The following RAPGEF2 variants were observed in gnomAD, a reference collection of about 807,000 sequenced individuals.
RAPGEF2 encodes the protein PDZ domain containing guanine nucleotide exchange factor (GEF) 1.
A neutral mutation model predicts 186.7 loss-of-function variants in RAPGEF2; 54 were observed. That is an observed-to-expected ratio of 0.29 (90% CI 0.23 to 0.36). RAPGEF2 has a LOEUF of 0.36. Ranked by LOEUF, RAPGEF2 falls within the 10% of genes least tolerant of loss-of-function variation. RAPGEF2 has a pLI of 1.00. For missense variants in RAPGEF2, 1,532 were observed against 2,045.0 expected, an observed-to-expected ratio of 0.75 and a Z score of 4.84; for synonymous variants, 712 against 705.9, an observed-to-expected ratio of 1.01 and a Z score of -0.14.
At chr4:159,129,007 A>C (rs1740706714) in intron 1 of RAPGEF2, 1 of 149,912 alleles carries the variant, frequency 6.7e-6, no homozygotes, top group African/African-American at 2.4e-5. Flanking sequence ...TTGTAGAAGA[A>C]AAGATTTGTA....
chr4:159,337,282 T>C (rs975983952), intron 17 of RAPGEF2, among the ~76,000 whole-genome samples: 7 of 152,244 alleles, frequency 4.6e-5, no homozygotes, highest in Admixed American at 2.6e-4. Context: ...AGAAATAATG[T>C]CTGTGTCAGT....
At chr4:159,281,546 C>T (rs1759703473) in intron 7 of RAPGEF2, among the ~76,000 whole-genome samples, 1 of 151,322 alleles carries the variant, frequency 6.6e-6, no homozygotes, top group Non-Finnish European at 1.5e-5. Context: ...TGGTGGGTGC[C>T]TGTAACCCCA....
chr4:159,293,760 A>T (rs1248501086), intron 7 of RAPGEF2, among the ~76,000 whole-genome samples: 2 of 152,166 alleles, frequency 1.3e-5, no homozygotes, highest in Non-Finnish European at 2.9e-5. Context: ...TTCCTTCTAG[A>T]TAGTGGTTCA....
chr4:159,159,731 A>T (rs1744505593), intron 1 of RAPGEF2, among the ~76,000 whole-genome samples: 1 of 152,212 alleles, frequency 6.6e-6, no homozygotes. Flanking sequence ...CAATTCTACA[A>T]CTTGACCTCT....
At chr4:159,313,370 T>A (rs1764174561) in intron 8 of RAPGEF2, among the ~76,000 whole-genome samples, 1 of 152,172 alleles carries the variant, frequency 6.6e-6, no homozygotes, top group African/African-American at 2.4e-5. Flanking sequence ...AAATTATTTC[T>A]CTTCACCTAA....
chr4:159,119,455 G>A (rs575760636), intron 1 of RAPGEF2, among the ~76,000 whole-genome samples: 123 of 152,248 alleles, frequency 8.1e-4, no homozygotes, highest in Middle Eastern at 3.4e-3. Flanking sequence ...TTTAAGCCTC[G>A]ATAGTACAGA....
intron 1 of RAPGEF2, among the ~76,000 whole-genome samples, chr4:159,132,226 C>G (rs1324782382): frequency 1.3e-5 from 2 of 152,290 alleles, no homozygotes; most frequent in Admixed American, 6.5e-5. Flanking sequence ...GGTTATCTAG[C>G]TCTAACACCA....
At chr4:159,287,987 A>G (rs535290486) in intron 7 of RAPGEF2, among the ~76,000 whole-genome samples, 5 of 152,264 alleles carry the variant, frequency 3.3e-5, no homozygotes, top group Admixed American at 6.5e-5. Flanking sequence ...TCTGTTTTCC[A>G]TTTGTTCTCA....
chr4:159,295,766 C>T (rs565806749), intron 7 of RAPGEF2, among the ~76,000 whole-genome samples: 29 of 145,128 alleles, frequency 2.0e-4, no homozygotes, highest in African/African-American at 3.0e-4. Flanking sequence ...CGCGCGCGCG[C>T]GCGCGCGCAT....
rs905799040 is a variant in RAPGEF2, at chr4:159,131,654, G to T, written c.69+27423G>T. On this transcript the variant is annotated intron_variant, in intron 1 of 29. Transcript: ENST00000691494. Reference sequence around the variant, plus strand: ...GCAGTTAAAGTTCTTTGGGCTTTGGGAACCTTGGGCTAGAGAACTTTGGGC... The same window carrying T: ...GCAGTTAAAGTTCTTTGGGCTTTGGTAACCTTGGGCTAGAGAACTTTGGGC... Among the ~76,000 whole-genome samples, 32 of 150,842 alleles carry T rather than the reference G, an allele frequency of 2.1e-4. 1 individual carries two copies.
chr4:159,231,755 A>T (rs1752669949), intron 4 of RAPGEF2, among the ~76,000 whole-genome samples: 1 of 152,162 alleles, frequency 6.6e-6, no homozygotes, highest in African/African-American at 2.4e-5. Flanking sequence ...CAGAGTAGGG[A>T]TGCTCCACAT....
At chr4:159,326,777 CCTTT>C (rs754370081) in intron 11 of RAPGEF2, 8 of 152,342 alleles carry the variant, frequency 5.3e-5, no homozygotes, top group Non-Finnish European at 7.3e-5. Context: ...CTCCTGTTGC[CCTTT>C]CTTTATTTCC....
intron 1 of RAPGEF2, among the ~76,000 whole-genome samples, chr4:159,165,565 G>T (rs1333847279): frequency 1.3e-5 from 2 of 152,152 alleles, no homozygotes; most frequent in Admixed American, 6.5e-5. Context: ...ATAAGAGCAG[G>T]TATTTTCATT....
At chr4:159,266,113 T>C (rs1232522806) in intron 7 of RAPGEF2, among the ~76,000 whole-genome samples, 1 of 151,680 alleles carries the variant, frequency 6.6e-6, no homozygotes. Context: ...TAAAAGCTGG[T>C]GGGGAGGACT....
At chr4:159,223,583 CTTAA>C (rs1297583407) in intron 4 of RAPGEF2, among the ~76,000 whole-genome samples, 2 of 152,104 alleles carry the variant, frequency 1.3e-5, no homozygotes, top group Non-Finnish European at 2.9e-5. Flanking sequence ...ATTAGGCAGA[CTTAA>C]TTCAGTTTTA....
chr4:159,244,003 A>C (rs1754312493), intron 7 of RAPGEF2, among the ~76,000 whole-genome samples: 1 of 151,972 alleles, frequency 6.6e-6, no homozygotes, highest in South Asian at 2.1e-4. Context: ...ATGTTGAAGA[A>C]AGAACTCAAG....
At chr4:159,164,980 G>A (rs999858608) in intron 1 of RAPGEF2, among the ~76,000 whole-genome samples, 3 of 152,038 alleles carry the variant, frequency 2.0e-5, no homozygotes, top group Non-Finnish European at 1.5e-5. Flanking sequence ...TTAACATACT[G>A]TTGAAAATCT....
chr4:159,238,736 G>T, intron 4 of RAPGEF2, 73 bp from the exon 5 acceptor site: 4 of 1,069,268 alleles, frequency 3.7e-6, no homozygotes, highest in Non-Finnish European at 5.2e-6. Flanking sequence ...AGGAAGTTTG[G>T]CTTATGTTCA....
chr4:159,129,203 G>C (rs1391128895), intron 1 of RAPGEF2, among the ~76,000 whole-genome samples: 8 of 151,910 alleles, frequency 5.3e-5, no homozygotes, highest in Admixed American at 5.2e-4. Flanking sequence ...AAAGCAATTA[G>C]AATTGCTTTC....
Sources: allele counts gnomAD v4.1 joint callset (sites outside exome capture counted in the v4.1 genomes callset), GRCh38; gene constraint gnomAD v4.1.1; transcripts MANE v1.5; gene names NCBI Gene and HGNC (gene_info 2026-07-23, HGNC 2026-07-21).